Variants in BFAR observed in about 807,000 individuals in gnomAD.
BFAR encodes the protein bifunctional apoptosis regulator, also known as RING finger protein 47.
Under a neutral mutation model 54.4 loss-of-function variants are expected in BFAR, and 52 were observed. That is an observed-to-expected ratio of 0.96 (90% CI 0.77 to 1.21). The LOEUF is 1.21. BFAR is among the 50% of genes most tolerant of loss of function. The pLI, the probability that BFAR is intolerant of heterozygous loss-of-function variation, is 0.00. For synonymous variants in BFAR, 215 were observed against 204.3 expected (o/e 1.05, Z -0.45); for missense variants, 571 against 534.0 (o/e 1.07, Z -0.68).
intron 6 of BFAR, among the ~76,000 whole-genome samples, chr16:14,664,571 C>G (rs1732154532): frequency 6.6e-6 from 1 of 152,052 alleles, no homozygotes; most frequent in Non-Finnish European, 1.5e-5. Context: ...GCGATCTCAA[C>G]TCACTGCAAC....
At chr16:14,658,009 C>T (rs1596988258) in intron 5 of BFAR, among the ~76,000 whole-genome samples, 2 of 152,202 alleles carry the variant, frequency 1.3e-5, no homozygotes, top group East Asian at 3.8e-4. Flanking sequence ...GCACAGGCTA[C>T]TGAAGCAGCT....
chr16:14,647,401 C>T (rs2151838491), intron 2 of BFAR, among the ~76,000 whole-genome samples: 1 of 151,484 alleles, frequency 6.6e-6, no homozygotes, highest in South Asian at 2.1e-4. Flanking sequence ...TACTTCTAAA[C>T]ATACATGTGC....
intron 1 of BFAR, among the ~76,000 whole-genome samples, chr16:14,635,317 AGAGT>A (rs1319439841): frequency 6.6e-6 from 1 of 152,248 alleles, no homozygotes; most frequent in Non-Finnish European, 1.5e-5. Flanking sequence ...CCTGGGCGAC[AGAGT>A]GAGACTCAGT....
At chr16:14,650,130 T>A (rs1389058474) in intron 4 of BFAR, 157 bp downstream of exon 4, 1 of 646,800 alleles carries the variant, frequency 1.5e-6, no homozygotes, top group Non-Finnish European at 2.3e-6. Context: ...CAGACCAGCC[T>A]GACCAATATG....
At position 14,648,473 on chromosome 16, in the gene BFAR, G is replaced by A; in HGVS notation, c.349G>A (p.Ala117Thr). 5 of 1,613,316 alleles carry A rather than the reference G, an allele frequency of 3.1e-6. No individual in the cohort carries two copies. Among genetic ancestry groups the A allele is most frequent in the Non-Finnish European group, 3.4e-6 (4 of 1,179,358 alleles). The change falls in exon 3 of 8, where the codon GCA becomes ACA. Residue 117 changes from alanine (A) to threonine (T), a missense_variant. Coordinates refer to ENST00000261658, the MANE Select transcript of BFAR (RefSeq NM_016561.3). ...QQNNDIVQSL[A>T]AFQKYGNDQI... is the part of the protein sequence containing the mutation. ...GAATAATGACATAGTCCAAAGTCTT[G>A]CAGCCTTTCAGAAATATGGGAATGA...
At chr16:14,646,882 T>C (rs1238228335) in intron 2 of BFAR, among the ~76,000 whole-genome samples, 1 of 152,194 alleles carries the variant, frequency 6.6e-6, no homozygotes, top group Non-Finnish European at 1.5e-5. Flanking sequence ...CTTTCCTTTT[T>C]CCTTAGAATA....
At chr16:14,647,489 G>T (rs1404846586) in intron 2 of BFAR, among the ~76,000 whole-genome samples, 2 of 151,932 alleles carry the variant, frequency 1.3e-5, no homozygotes, top group African/African-American at 4.8e-5. Context: ...ATGAGGCCAG[G>T]AATTCAAGAC....
intron 5 of BFAR, among the ~76,000 whole-genome samples, chr16:14,661,544 G>A (rs1393168747): frequency 2.0e-5 from 3 of 151,856 alleles, no homozygotes; most frequent in Non-Finnish European, 4.4e-5. Context: ...TGGGACTACA[G>A]GGCATGAGCC....
At position 14,644,209 on chromosome 16, in the gene BFAR, T is replaced by A. The variant is rs74974167; in HGVS notation, c.-73-65T>A. 1,052 of 904,274 alleles carry A rather than the reference T, an allele frequency of 1.2e-3. 12 individuals are homozygous for A. In the African/African-American group the frequency reaches 0.015, roughly 13 times the overall value. 56.0% of individuals were successfully genotyped at this position (904,274 alleles called of 1,614,324 possible). On this transcript the variant is annotated intron_variant, in intron 1 of 7. Coordinates refer to ENST00000261658, the MANE Select transcript of BFAR (RefSeq NM_016561.3). ...GCGCTTCAATAGAATGTCAATACTT[T>A]TATATTAACTGCTCTTCAAACAACT...
At chr16:14,648,662 T>A in intron 3 of BFAR, 70 bp downstream of exon 3, 1 of 1,112,450 alleles carries the variant, frequency 9.0e-7, no homozygotes, top group Non-Finnish European at 1.3e-6. Context: ...TCCACTGAAG[T>A]CAGTTCTGTT....
Position 14,649,743 on chromosome 16 carries a change from A to G in BFAR, c.469-61A>G, listed in dbSNP as rs562492635. ...CTTCCTTTCCCCACCTCCCACCCGC[A>G]TATTTAGAAACTGGCATCTCTGCCT... On this transcript the variant is annotated intron_variant, in intron 3 of 7. Transcript: ENST00000261658. 25 of 1,441,316 alleles carry G rather than the reference A, an allele frequency of 1.7e-5. 1 individual carries two copies. The African/African-American group carries it at 2.4e-4, about 14-fold the overall frequency. 89.3% of individuals were successfully genotyped at this position (1,441,316 alleles called of 1,614,324 possible). A position where few individuals can be genotyped will look rare whatever the true frequency, so the allele number is the denominator to read the frequency against.
chr16:14,639,906 C>T (rs1164091627), intron 1 of BFAR, among the ~76,000 whole-genome samples: 2 of 152,034 alleles, frequency 1.3e-5, no homozygotes, highest in Non-Finnish European at 2.9e-5. Context: ...AACCTGTAAC[C>T]CCAGCATTTT....
chr16:14,667,821 G>A lies in BFAR; in HGVS notation c.1347G>A (p.Val449=). 1 of 1,613,912 alleles carries A rather than the reference G, an allele frequency of 6.2e-7. No individual in the cohort carries two copies. Among genetic ancestry groups the A allele is most frequent in the Non-Finnish European group, 8.5e-7 (1 of 1,179,798 alleles). ...AACTCCGGCGGCTGGAAACCCAGGTGTTGTGACTGGCACTGCCCAGGCTGA... is the reference window on the plus strand; with the variant it reads ...AACTCCGGCGGCTGGAAACCCAGGTATTGTGACTGGCACTGCCCAGGCTGA... The part of the protein sequence containing the change: ...VKELRRLETQ[V]L Residue 449 remains valine (V), a synonymous_variant, in exon 8 of 8, where the codon GTG becomes GTA. Coordinates refer to ENST00000261658, the MANE Select transcript of BFAR (RefSeq NM_016561.3).
At position 14,667,643 on chromosome 16, in the gene BFAR, C is replaced by G; in HGVS notation, c.1169C>G (p.Pro390Arg). The change falls in exon 8 of 8, where the codon CCT becomes CGT. Residue 390 changes from proline to arginine, a missense_variant. Pro to Arg is a moderately radical substitution (Grantham distance 103, BLOSUM62 -2). Coordinates refer to ENST00000261658, the MANE Select transcript of BFAR (RefSeq NM_016561.3). ...IWSRSELKTV[P>R]QRMWSHFWKV... ...TTCTCTTCTTGTTTCAGGACCGTGCCTCAGAGGATGTGGAGCCATTTCTGG... is the reference window on the plus strand; with the variant it reads ...TTCTCTTCTTGTTTCAGGACCGTGCGTCAGAGGATGTGGAGCCATTTCTGG... 1.2e-6 allele frequency: 2 copies of G among 1,613,894 alleles called. No homozygotes were observed. The highest frequency in any genetic ancestry group is 2.2e-5 in the East Asian group (1 of 44,882).
intron 7 of BFAR, 158 bp downstream of exon 7, chr16:14,665,229 C>T (rs1190450715): frequency 1.4e-6 from 1 of 694,248 alleles, no homozygotes; most frequent in African/African-American, 1.8e-5. Flanking sequence ...GTGAATAGGA[C>T]AATTACCTGT....
intron 1 of BFAR, among the ~76,000 whole-genome samples, chr16:14,636,490 C>T (rs775221554): frequency 6.6e-6 from 1 of 152,246 alleles, no homozygotes; most frequent in African/African-American, 2.4e-5. Context: ...CCTTACAGAG[C>T]GGTATTGTTG....
intron 4 of BFAR, among the ~76,000 whole-genome samples, chr16:14,652,600 A>T (rs974882319): frequency 2.0e-5 from 3 of 152,042 alleles, no homozygotes; most frequent in Admixed American, 6.6e-5. Context: ...TTTTATTTTT[A>T]AAAAAATAAT....
intron 1 of BFAR, among the ~76,000 whole-genome samples, chr16:14,637,762 G>C (rs1270796119): frequency 6.6e-6 from 1 of 151,824 alleles, no homozygotes; most frequent in Non-Finnish European, 1.5e-5. Flanking sequence ...ACAGGAGGCA[G>C]AGGTTGAGGT....
At chr16:14,652,127 T>G (rs1959986985) in intron 4 of BFAR, among the ~76,000 whole-genome samples, 1 of 151,788 alleles carries the variant, frequency 6.6e-6, no homozygotes, top group Admixed American at 6.6e-5. Flanking sequence ...CCTCAGGTGA[T>G]CCACCGCCTT....
Sources: allele counts gnomAD v4.1 joint callset (sites outside exome capture counted in the v4.1 genomes callset), GRCh38; gene constraint gnomAD v4.1.1; transcripts MANE v1.5; gene names NCBI Gene and HGNC (gene_info 2026-07-23, HGNC 2026-07-21).